GDPD5: variants seen among roughly 807,000 people sequenced by gnomAD.
GDPD5 encodes glycerophosphodiester phosphodiesterase 2.
In GDPD5, 48 loss-of-function variants were observed where a neutral mutation model predicts 75.1. The ratio of observed to expected loss-of-function variants is 0.64; its 90% CI spans 0.51 to 0.81. GDPD5 has a LOEUF of 0.81. Ranked by LOEUF, GDPD5 falls within the 40% of genes least tolerant of loss-of-function variation. The pLI is 0.00. For synonymous variants in GDPD5, 336 were observed against 339.0 expected (o/e 0.99, Z 0.10); for missense variants, 706 against 822.6 (o/e 0.86, Z 1.73).
At chr11:75,463,036 A>G (rs1373860108) in intron 3 of GDPD5, 147 bp from the exon 4 acceptor site, 2 of 645,492 alleles carry the variant, frequency 3.1e-6, no homozygotes, top group Non-Finnish European at 5.4e-6. Context: ...GGAGAAACTG[A>G]GGTTCAGAGA....
At chr11:75,517,556 CCT>C (rs1469973641) in intron 1 of GDPD5, 2 of 152,354 alleles carry the variant, frequency 1.3e-5, no homozygotes, top group Admixed American at 6.5e-5. Context: ...GACTCTCTCC[CCT>C]GTGTGTGAGC....
intron 1 of GDPD5, among the ~76,000 whole-genome samples, chr11:75,502,352 C>T (rs965384106): frequency 6.6e-6 from 1 of 152,246 alleles, no homozygotes; most frequent in Non-Finnish European, 1.5e-5. Context: ...GGAAATGCTG[C>T]TATTCAGTGG....
At chr11:75,462,583 A>G (rs1949437409) in intron 4 of GDPD5, among the ~76,000 whole-genome samples, 1 of 151,860 alleles carries the variant, frequency 6.6e-6, no homozygotes. Flanking sequence ...CTATAGTCCC[A>G]CACCAGCCTC....
At chr11:75,448,923 C>T in intron 9 of GDPD5, 54 bp downstream of exon 9, 2 of 1,510,214 alleles carry the variant, frequency 1.3e-6, no homozygotes, top group Non-Finnish European at 1.8e-6. Context: ...AAGAAGGTCC[C>T]CCCCATCGCA....
Position 75,470,512 on chromosome 11 carries a change from A to T in GDPD5, c.117+7107T>A, listed in dbSNP as rs188494766. 6.6e-3 allele frequency among the ~76,000 whole-genome samples: 1,009 copies of T among 152,238 alleles called. 3 individuals are homozygous for T. The highest frequency in any genetic ancestry group is 9.1e-3 in the Non-Finnish European group (617 of 68,010). ...TCTCGGCTTCATTGCTTACATTTCA[A>T]TCTGCAATCCACCCATCCATCGACA... On this transcript the variant is annotated intron_variant, in intron 3 of 16. Transcript: ENST00000336898.
chr11:75,525,596 C>A lies in GDPD5; in HGVS notation c.-531G>T. The A allele has an allele frequency of 6.6e-6, 1 of 152,078 alleles. No individual in the cohort carries two copies. Among genetic ancestry groups the A allele is most frequent in the Middle Eastern group, 3.2e-3 (1 of 314 alleles). 9.4% of individuals were successfully genotyped at this position (152,078 alleles called of 1,614,324 possible). ...ACCCTGCAACCACGGACCGGTACGGCGGCGTTAGGAGCGTCCCGTCCCGGC... is the reference window on the plus strand; with the variant it reads ...ACCCTGCAACCACGGACCGGTACGGAGGCGTTAGGAGCGTCCCGTCCCGGC... On this transcript the variant is annotated 5_prime_UTR_variant, in exon 1 of 17. Transcript: ENST00000336898.
chr11:75,436,931 T>C lies in GDPD5; in HGVS notation c.1669+5A>G. The stretch of plus-strand genomic sequence containing the variant: ...CTGCCTCCACCTGTCTGCAGGGCTG[T>C]GTACCTGAGAAAATAAGCTTCTCCT... On this transcript the variant is annotated splice_donor_5th_base_variant and intron_variant, in intron 16 of 16. Coordinates refer to ENST00000336898, the MANE Select transcript of GDPD5 (RefSeq NM_030792.8). 6.2e-7 allele frequency: 1 copy of C among 1,611,064 alleles called. No homozygotes were observed. Among genetic ancestry groups the C allele is most frequent in the Non-Finnish European group, 8.5e-7 (1 of 1,177,718 alleles).
At chr11:75,494,428 G>C (rs578178630) in intron 1 of GDPD5, among the ~76,000 whole-genome samples, 78 of 151,954 alleles carry the variant, frequency 5.1e-4, no homozygotes, top group African/African-American at 1.7e-3. Flanking sequence ...TGTTGGCCAG[G>C]CTGGTCTCGA....
chr11:75,477,587 G>C lies in GDPD5; in HGVS notation c.117+32C>G, dbSNP rs769690114. ...CCCTCAGGCTTGCTGGGGCTCACTGGGTCCCTCTGACCCTGTTCCAGGGTG... is the reference window on the plus strand; with the variant it reads ...CCCTCAGGCTTGCTGGGGCTCACTGCGTCCCTCTGACCCTGTTCCAGGGTG... On this transcript the variant is annotated intron_variant, in intron 3 of 16. Coordinates refer to ENST00000336898, the MANE Select transcript of GDPD5 (RefSeq NM_030792.8). 2.8e-6 allele frequency: 4 copies of C among 1,424,690 alleles called. No individual in the cohort carries two copies. In the South Asian group the frequency reaches 5.4e-5, roughly 19 times the overall value. 88.3% of individuals were successfully genotyped at this position (1,424,690 alleles called of 1,614,324 possible).
At position 75,448,991 on chromosome 11, in the gene GDPD5, G is replaced by C. The variant is rs772126339; in HGVS notation, c.700C>G (p.Arg234Gly). 3.2e-6 allele frequency: 5 copies of C among 1,578,222 alleles called. No homozygotes were observed. Among genetic ancestry groups the C allele is most frequent in the Non-Finnish European group, 3.4e-6 (4 of 1,169,384 alleles). Reference protein sequence around the residue: ...LGPKPALIGHRGAPMLAPEHT... With the variant: ...LGPKPALIGHGGAPMLAPEHT... The stretch of plus-strand genomic sequence containing the variant: ...GTGGCACTCACCATGGGGGCCCCGC[G>C]GTGGCCAATGAGAGCAGGCTTGGGG... The change falls in exon 9 of 17, where the codon CGC becomes GGC. Residue 234 changes from arginine to glycine, a missense_variant. Physicochemically the swap from Arg to Gly is moderately radical, Grantham distance 125. Transcript: ENST00000336898.
chr11:75,449,482 G>A (rs756897097), intron 8 of GDPD5, 35 bp downstream of exon 8: 3 of 1,526,892 alleles, frequency 2.0e-6, no homozygotes, highest in Non-Finnish European at 1.8e-6. Flanking sequence ...CACCTGCAGG[G>A]ATTGGAGGGG....
intron 2 of GDPD5, among the ~76,000 whole-genome samples, chr11:75,489,620 C>A (rs1384581184): frequency 6.6e-6 from 1 of 152,206 alleles, no homozygotes; most frequent in African/African-American, 2.4e-5. Flanking sequence ...TAAATCTTCT[C>A]TGGAGGTGGA....
chr11:75,504,576 C>T (rs187453314), intron 1 of GDPD5, among the ~76,000 whole-genome samples: 303 of 152,294 alleles, frequency 2.0e-3, no homozygotes, highest in Middle Eastern at 3.4e-3. Context: ...AAATATTGTA[C>T]ACTTCCACTT....
chr11:75,444,117 A>T (rs1565183481), intron 10 of GDPD5, among the ~76,000 whole-genome samples: 1 of 152,212 alleles, frequency 6.6e-6, no homozygotes, highest in Non-Finnish European at 1.5e-5. Flanking sequence ...CAGTGAATGT[A>T]TCACTCTGCA....
At chr11:75,478,913 G>T (rs1949841434) in intron 2 of GDPD5, among the ~76,000 whole-genome samples, 1 of 152,192 alleles carries the variant, frequency 6.6e-6, no homozygotes, top group African/African-American at 2.4e-5. Context: ...CCCATAACTG[G>T]ACTGTAGTCA....
At chr11:75,448,835 C>T in intron 9 of GDPD5, 142 bp downstream of exon 9, 1 of 1,181,120 alleles carries the variant, frequency 8.5e-7, no homozygotes, top group Non-Finnish European at 1.1e-6. Context: ...GCACTCCCGG[C>T]CTTTTTGCCA....
chr11:75,455,406 C>T (rs1486581799), intron 6 of GDPD5: 16 of 456,014 alleles, frequency 3.5e-5, no homozygotes, highest in Non-Finnish European at 3.1e-5. Context: ...GGGCTGCTCA[C>T]GGCTCCTACC....
At position 75,435,523 on chromosome 11, in the gene GDPD5, T is replaced by C; in HGVS notation, c.1802A>G (p.Glu601Gly). 6.2e-7 allele frequency: 1 copy of C among 1,609,812 alleles called. No individual in the cohort carries two copies. The highest frequency in any genetic ancestry group is 8.5e-7 in the Non-Finnish European group (1 of 1,178,136). The change falls in exon 17 of 17, where the codon GAG (glutamate) becomes GGG (glycine). Residue 601 changes from glutamate to glycine, a missense_variant. Glu to Gly is a moderately conservative substitution (Grantham distance 98). Transcript: ENST00000336898. ...TGTCTTCAGCTAACGCCCACTCCGC[T>C]CTATGAGGGTCTTGGTGTGGCTGCC... The part of the protein sequence containing the change: ...GGGSHTKTLI[E>G]RSGR
At chr11:75,476,244 G>A (rs907893379) in intron 3 of GDPD5, among the ~76,000 whole-genome samples, 1 of 152,114 alleles carries the variant, frequency 6.6e-6, no homozygotes, top group Non-Finnish European at 1.5e-5. Context: ...TCCCATTTCA[G>A]AGATGGAGAG....
Sources: allele counts gnomAD v4.1 joint callset (sites outside exome capture counted in the v4.1 genomes callset), GRCh38; gene constraint gnomAD v4.1.1; transcripts MANE v1.5; gene names NCBI Gene and HGNC (gene_info 2026-07-23, HGNC 2026-07-21).